Variants in SPATC1 observed in about 807,000 individuals in gnomAD.
SPATC1 encodes the protein speriolin.
Under a neutral mutation model 36.5 loss-of-function variants are expected in SPATC1, and 35 were observed. The ratio of observed to expected loss-of-function variants is 0.96; its 90% CI spans 0.73 to 1.27. SPATC1 has a LOEUF of 1.27. SPATC1 is among the 50% of genes most tolerant of loss of function. SPATC1 has a pLI of 0.00. For synonymous variants in SPATC1, 361 were observed against 353.6 expected (o/e 1.02, Z -0.24); for missense variants, 779 against 796.0 (o/e 0.98, Z 0.26).
chr8:144,012,328 A>G lies in SPATC1; in HGVS notation c.-188A>G. On this transcript the variant is annotated 5_prime_UTR_variant, in exon 1 of 5. Transcript: ENST00000377470. The stretch of plus-strand genomic sequence containing the variant: ...TGTGTACAGGCCTGGTGGCATGGAG[A>G]GCTGAGGGTGTTAGAGCAGAGAGGG... 1.7e-6 allele frequency: 1 copy of G among 602,974 alleles called. No individual in the cohort carries two copies. The highest frequency in any genetic ancestry group is 3.0e-6 in the Non-Finnish European group (1 of 338,874). The allele number at this position is 602,974 out of a possible 1,614,324, so 37.4% of individuals were successfully genotyped here. A position where few individuals can be genotyped will look rare whatever the true frequency, so the allele number is the denominator to read the frequency against.
At position 144,016,628 on chromosome 8, in the gene SPATC1, T is replaced by G. The variant is rs1834400264; in HGVS notation, c.211+3902T>G. Reference sequence around the variant, plus strand: ...TTTTGTTTGTTTGTTTGTTTGTTTTTTTGTTTGTTTGTTTTTGAGACAGAG... The same window carrying G: ...TTTTGTTTGTTTGTTTGTTTGTTTTGTTGTTTGTTTGTTTTTGAGACAGAG... On this transcript the variant is annotated intron_variant, in intron 1 of 4. Coordinates refer to ENST00000377470, the MANE Select transcript of SPATC1 (RefSeq NM_198572.3). The surrounding 1 kb of genome is among the most constrained non-coding windows in gnomAD (Gnocchi z 4.5). Among the ~76,000 whole-genome samples the G allele has an allele frequency of 7.2e-6, 1 of 139,002 alleles. No individual in the cohort carries two copies. Among genetic ancestry groups the G allele is most frequent in the Non-Finnish European group, 1.5e-5 (1 of 67,910 alleles). The allele number at this position is 139,002 out of a possible 152,430, so 91.2% of individuals were successfully genotyped here. A position where few individuals can be genotyped will look rare whatever the true frequency, so the allele number is the denominator to read the frequency against.
upstream of SPATC1, among the ~76,000 whole-genome samples, chr8:144,011,558 G>C (rs1256691276): frequency 6.6e-6 from 1 of 152,162 alleles, no homozygotes; most frequent in African/African-American, 2.4e-5. The surrounding 1 kb of genome is among the most constrained non-coding windows in gnomAD (Gnocchi z 4.5). Flanking sequence ...GCCAATGGAG[G>C]CCACGAGGAC....
intron 1 of SPATC1, among the ~76,000 whole-genome samples, chr8:144,019,670 A>C (rs1834464478): frequency 2.6e-5 from 4 of 152,220 alleles, no homozygotes; most frequent in African/African-American, 9.6e-5. Flanking sequence ...CTAAAACAGT[A>C]ACTGCACTGA....
intron 1 of SPATC1, among the ~76,000 whole-genome samples, chr8:144,015,694 A>G (rs1472058449): frequency 6.8e-6 from 1 of 147,954 alleles, no homozygotes; most frequent in African/African-American, 2.5e-5. Context: ...GTGAGCCAAG[A>G]TCATGCCCTG....
chr8:144,037,690 G>C (rs1834942195), intron 1 of SPATC1, among the ~76,000 whole-genome samples: 1 of 150,544 alleles, frequency 6.6e-6, no homozygotes, highest in Admixed American at 6.6e-5. Context: ...AGGGTCCTCT[G>C]CCTAGGAAAA....
chr8:144,044,646 G>A (rs1314842583), intron 4 of SPATC1, among the ~76,000 whole-genome samples: 1 of 150,688 alleles, frequency 6.6e-6, no homozygotes, highest in East Asian at 2.0e-4. Context: ...ATATTTGTAA[G>A]ACACAACTGA....
chr8:144,039,896 T>C lies in SPATC1; in HGVS notation c.212-13T>C. On this transcript the variant is annotated splice_polypyrimidine_tract_variant and intron_variant, in intron 1 of 4. Coordinates refer to ENST00000377470, the MANE Select transcript of SPATC1 (RefSeq NM_198572.3). ...GCTCCCCTGGGGTCTCAGTGCTTTCTCTGTGTTCCCAGGTGTCTTCCTGCC... is the reference window on the plus strand; with the variant it reads ...GCTCCCCTGGGGTCTCAGTGCTTTCCCTGTGTTCCCAGGTGTCTTCCTGCC... 6.2e-7 allele frequency: 1 copy of C among 1,607,280 alleles called. No homozygotes were observed. Among genetic ancestry groups the C allele is most frequent in the Non-Finnish European group, 8.5e-7 (1 of 1,175,836 alleles).
intron 1 of SPATC1, among the ~76,000 whole-genome samples, chr8:144,018,270 C>T (rs939603245): frequency 8.1e-4 from 124 of 152,230 alleles, no homozygotes; most frequent in Non-Finnish European, 1.6e-3. Context: ...CATTCGTGAC[C>T]TTGGTTAGAG....
At chr8:144,024,841 C>CTT (rs1834642550) in intron 1 of SPATC1, among the ~76,000 whole-genome samples, 2 of 12,226 alleles carry the variant, frequency 1.6e-4, no homozygotes. Context: ...ACCCTCTTTC[C>CTT]TGAGGAATCT....
intron 4 of SPATC1, among the ~76,000 whole-genome samples, chr8:144,043,514 T>C (rs1835172331): frequency 6.6e-6 from 1 of 152,020 alleles, no homozygotes. Context: ...ACTCCTGACC[T>C]TGTGATCCGC....
At position 144,015,740 on chromosome 8, in the gene SPATC1, C is replaced by CAAA. The variant is rs374846456; in HGVS notation, c.211+3029_211+3031dup. On this transcript the variant is annotated intron_variant, in intron 1 of 4. Transcript: ENST00000377470. ...TGGGCGACTGAGTGAGACTCTGTCT[C>CAAA]AAAAAAAAAAAAAAAAAGAAAAGAA... 6.1e-5 allele frequency among the ~76,000 whole-genome samples: 5 copies of CAAA among 81,432 alleles called. No homozygotes were observed. In the South Asian group the frequency reaches 1.3e-3, roughly 21 times the overall value. The allele number at this position is 81,432 out of a possible 152,430, so 53.4% of individuals were successfully genotyped here.
chr8:144,041,819 G>A (rs180747931), intron 4 of SPATC1, among the ~76,000 whole-genome samples: 13 of 152,238 alleles, frequency 8.5e-5, no homozygotes, highest in African/African-American at 2.4e-4. Context: ...CTGCATTCCC[G>A]GCTGCTTTTT....
intron 4 of SPATC1, among the ~76,000 whole-genome samples, chr8:144,044,550 C>T (rs1465666096): frequency 7.3e-5 from 11 of 150,862 alleles, no homozygotes; most frequent in Admixed American, 2.0e-4. Flanking sequence ...CCTCGTGATC[C>T]GCCCGCCTCA....
chr8:144,042,177 G>A (rs1835119466), intron 4 of SPATC1: 1 of 228,812 alleles, frequency 4.4e-6, no homozygotes, highest in Non-Finnish European at 7.2e-6. Flanking sequence ...ACACAGCCCA[G>A]GCTGGAGTAC....
Position 144,040,848 on chromosome 8 carries a change from C to G in SPATC1, c.1047C>G (p.Tyr349Ter), listed in dbSNP as rs1554755818. The change falls in exon 3 of 5, where the codon TAC becomes TAG. Residue 349 changes from tyrosine (Y) to a stop codon, truncating the protein, a stop_gained. Transcript: ENST00000377470. LOFTEE classifies it high-confidence loss of function. The stretch of plus-strand genomic sequence containing the variant: ...TTGCCCCCCAGGTTGCCACCAGCTA[C>G]ACACCCTCAAGCACCACCCACATCG... Reference protein sequence around the residue: ...PALAPQVATSYTPSSTTHIAQ... With the variant: ...PALAPQVATS The G allele has an allele frequency of 6.3e-7, 1 of 1,578,000 alleles. No homozygotes were observed. Among genetic ancestry groups the G allele is most frequent in the Non-Finnish European group, 8.6e-7 (1 of 1,162,424 alleles).
chr8:144,021,290 C>T (rs1484332863), intron 1 of SPATC1, among the ~76,000 whole-genome samples: 165 of 28,228 alleles, frequency 5.8e-3, no homozygotes, highest in Non-Finnish European at 7.7e-3. Context: ...AGGTCCCTCT[C>T]CCCTCAGGAC....
At chr8:144,028,159 G>A (rs1246989019) in intron 1 of SPATC1, among the ~76,000 whole-genome samples, 1 of 152,100 alleles carries the variant, frequency 6.6e-6, no homozygotes, top group Non-Finnish European at 1.5e-5. Flanking sequence ...AAGATTTCAT[G>A]ACAGAAACTT....
intron 1 of SPATC1, among the ~76,000 whole-genome samples, chr8:144,038,187 T>C (rs565649024): frequency 7.2e-5 from 10 of 138,440 alleles, no homozygotes; most frequent in Admixed American, 1.4e-4. Context: ...GTAATCCCAG[T>C]ACTTTGGGAA....
At chr8:144,014,998 G>A (rs537784770) in intron 1 of SPATC1, among the ~76,000 whole-genome samples, 5 of 152,140 alleles carry the variant, frequency 3.3e-5, no homozygotes, top group Non-Finnish European at 5.9e-5. Flanking sequence ...CACAAGGAGC[G>A]GTGCTGTCAA....
Sources: allele counts gnomAD v4.1 joint callset (sites outside exome capture counted in the v4.1 genomes callset), GRCh38; gene constraint gnomAD v4.1.1; non-coding constraint Gnocchi (gnomAD v3.1); transcripts MANE v1.5; gene names NCBI Gene and HGNC (gene_info 2026-07-23, HGNC 2026-07-21).